Variants in EPB41L3 observed in about 807,000 individuals in gnomAD.
The protein encoded by EPB41L3 is erythrocyte membrane protein band 4.1 like 3.
A neutral mutation model predicts 127.1 loss-of-function variants in EPB41L3; 57 were observed. The ratio of observed to expected loss-of-function variants is 0.45; its 90% CI spans 0.36 to 0.56. The LOEUF (loss-of-function observed/expected upper bound fraction) is 0.56, where lower values mean the gene tolerates loss of function less well. Among genes scored for constraint, EPB41L3 ranks in the 20% least tolerant of loss-of-function variants. The pLI is 0.00. For synonymous variants in EPB41L3, 572 were observed against 549.5 expected, an observed-to-expected ratio of 1.04 and a Z score of -0.57; for missense variants, 1,273 against 1,372.2, an observed-to-expected ratio of 0.93 and a Z score of 1.14.
chr18:5,473,264 T>C (rs931492514), intron 3 of EPB41L3, among the ~76,000 whole-genome samples: 2 of 152,078 alleles, frequency 1.3e-5, no homozygotes, highest in Non-Finnish European at 2.9e-5. Context: ...GAATTGGCAA[T>C]ATTTAGGGGC....
rs996770185 is a variant in EPB41L3, at chr18:5,585,359, C to T, written c.-306+26981G>A. Among the ~76,000 whole-genome samples, 26 of 152,050 alleles carry T rather than the reference C, an allele frequency of 1.7e-4. 1 individual carries two copies. The highest frequency in any genetic ancestry group is 5.9e-5 in the Non-Finnish European group (4 of 67,996). On this transcript the variant is annotated intron_variant, in intron 3 of 21. Coordinates refer to the EPB41L3 transcript ENST00000545076. ...TTTTGAGTCGCCCAGGCTGGAGTGC[C>T]GTAGTGCGATCTGGGCTCACTAGTA...
intron 8 of EPB41L3, chr18:5,431,254 T>C (rs1166167200): frequency 6.6e-6 from 1 of 152,158 alleles, no homozygotes; most frequent in East Asian, 1.9e-4. Context: ...GGATTCCAGA[T>C]CAGAATTTTT....
chr18:5,406,836 C>T lies in EPB41L3; in HGVS notation c.2290G>A (p.Val764Met), dbSNP rs142982382. The change falls in exon 16 of 23, where the codon GTG (valine) becomes ATG (methionine). Residue 764 changes from valine to methionine, a missense_variant. Physicochemically the swap from Val to Met is conservative, Grantham distance 21. Around this residue, in one of 3 missense-constraint regions of EPB41L3, gnomAD observed 765 missense variants for 782.9 expected, o/e 0.98. Coordinates refer to ENST00000341928, the MANE Select transcript of EPB41L3 (RefSeq NM_012307.5). ...EWEKRLSTSP[V>M]RLAARQEDAP... ...TCCTCCTGCCTGGCGGCCAGTCGCA[C>T]GGGGGAGGTGGAAAGCCTCTTCTCC... 1.5e-5 allele frequency: 24 copies of T among 1,614,142 alleles called. No individual in the cohort carries two copies. The highest frequency in any genetic ancestry group is 6.7e-5 in the East Asian group (3 of 44,876).
At chr18:5,559,891 C>G (rs2094099329) in intron 3 of EPB41L3, among the ~76,000 whole-genome samples, 1 of 152,206 alleles carries the variant, frequency 6.6e-6, no homozygotes. Flanking sequence ...TATTACCATA[C>G]CTATACTATG....
At chr18:5,474,335 T>C (rs567401455) in intron 3 of EPB41L3, among the ~76,000 whole-genome samples, 43 of 152,192 alleles carry the variant, frequency 2.8e-4, no homozygotes, top group Admixed American at 2.7e-3. Context: ...AAGGCTAGCA[T>C]AGAAACATCG....
chr18:5,572,496 A>G (rs886722165), intron 3 of EPB41L3, among the ~76,000 whole-genome samples: 3 of 152,228 alleles, frequency 2.0e-5, no homozygotes, highest in Non-Finnish European at 4.4e-5. Flanking sequence ...AACAACAAAC[A>G]AAACAGTCAC....
chr18:5,630,175 C>T (rs2094977332), upstream of EPB41L3, among the ~76,000 whole-genome samples: 1 of 152,184 alleles, frequency 6.6e-6, no homozygotes, highest in Admixed American at 6.5e-5. Flanking sequence ...TCCCTAGTCT[C>T]CAGGTGCCCG....
At chr18:5,555,801 A>G (rs1386406466) in intron 3 of EPB41L3, among the ~76,000 whole-genome samples, 2 of 152,030 alleles carry the variant, frequency 1.3e-5, no homozygotes, top group Non-Finnish European at 2.9e-5. Flanking sequence ...TTCCAATCCC[A>G]TTGTTCTCAG....
intron 3 of EPB41L3, among the ~76,000 whole-genome samples, chr18:5,564,714 C>G (rs190704620): frequency 6.6e-6 from 1 of 152,170 alleles, no homozygotes; most frequent in Non-Finnish European, 1.5e-5. Context: ...AGCTTTTCAT[C>G]TCAGTGCCCA....
chr18:5,524,490 T>A (rs910690069), intron 1 of EPB41L3, among the ~76,000 whole-genome samples: 5 of 152,166 alleles, frequency 3.3e-5, no homozygotes, highest in African/African-American at 1.2e-4. Context: ...CCATTGCACC[T>A]GGTCTGGACT....
chr18:5,567,874 A>C (rs2094227608), intron 3 of EPB41L3, among the ~76,000 whole-genome samples: 2 of 152,204 alleles, frequency 1.3e-5, no homozygotes, highest in East Asian at 3.8e-4. Context: ...TCATTGTAAC[A>C]ATCACTTAAT....
intron 1 of EPB41L3, among the ~76,000 whole-genome samples, chr18:5,538,875 G>A (rs1403324790): frequency 6.6e-6 from 1 of 152,048 alleles, no homozygotes; most frequent in Non-Finnish European, 1.5e-5. Context: ...TTGAGCTACA[G>A]ACAGAGGTAA....
upstream of EPB41L3, chr18:5,544,332 G>A (rs1262495205): frequency 5.1e-6 from 5 of 985,158 alleles, no homozygotes; most frequent in Non-Finnish European, 6.0e-6. Flanking sequence ...TCCCCTCCCA[G>A]ACATCCCCTG....
intron 3 of EPB41L3, among the ~76,000 whole-genome samples, chr18:5,477,530 C>A (rs2087482710): frequency 6.6e-6 from 1 of 152,166 alleles, no homozygotes; most frequent in South Asian, 2.1e-4. Context: ...ACACACAGAC[C>A]TGCTCATAGA....
intron 16 of EPB41L3, chr18:5,399,115 C>T: frequency 2.5e-6 from 1 of 399,094 alleles, no homozygotes; most frequent in Non-Finnish European, 4.4e-6. Flanking sequence ...CCCTCTTTAG[C>T]TTTCCCAGTC....
At chr18:5,524,327 G>A (rs1301212064) in intron 1 of EPB41L3, among the ~76,000 whole-genome samples, 1 of 152,128 alleles carries the variant, frequency 6.6e-6, no homozygotes, top group Non-Finnish European at 1.5e-5. Context: ...CCAAGTAGCT[G>A]GGATTACAGG....
intron 13 of EPB41L3, 118 bp from the exon 14 acceptor site, chr18:5,410,737 C>T: frequency 1.4e-6 from 1 of 720,708 alleles, no homozygotes; most frequent in Non-Finnish European, 2.4e-6. Flanking sequence ...TGTGATTTCT[C>T]TGTGTCACAC....
intron 2 of EPB41L3, among the ~76,000 whole-genome samples, chr18:5,612,594 G>T (rs1013428454): frequency 4.6e-5 from 7 of 152,138 alleles, no homozygotes; most frequent in African/African-American, 1.7e-4. Flanking sequence ...TATTTGTATT[G>T]GCCGAAGAGA....
chr18:5,461,340 C>T (rs1189398352), intron 3 of EPB41L3, among the ~76,000 whole-genome samples: 1 of 152,124 alleles, frequency 6.6e-6, no homozygotes, highest in Non-Finnish European at 1.5e-5. Flanking sequence ...CTTATGCTGC[C>T]TGTGCGTCTG....
Sources: allele counts gnomAD v4.1 joint callset (sites outside exome capture counted in the v4.1 genomes callset), GRCh38; gene constraint gnomAD v4.1.1; regional missense constraint gnomAD v4.1.1; transcripts MANE v1.5; gene names NCBI Gene and HGNC (gene_info 2026-07-23, HGNC 2026-07-21).